Variants in VPS26C observed in about 807,000 individuals in gnomAD.
VPS26C encodes the protein VPS26 endosomal protein sorting factor C.
VPS26C carries 19 observed loss-of-function variants against 30.6 expected under a neutral mutation model. That is an observed-to-expected ratio of 0.62 (90% CI 0.43 to 0.91). The LOEUF (loss-of-function observed/expected upper bound fraction) is 0.91. Ranked by LOEUF, VPS26C falls within the 40% of genes least tolerant of loss-of-function variation. VPS26C has a pLI of 0.00. For missense variants in VPS26C, 318 were observed against 385.1 expected, an observed-to-expected ratio of 0.83 and a Z score of 1.46; for synonymous variants, 132 against 151.5, an observed-to-expected ratio of 0.87 and a Z score of 0.95.
chr21:37,229,914 C>G (rs1367714578), intron 5 of VPS26C, among the ~76,000 whole-genome samples: 1 of 152,212 alleles, frequency 6.6e-6, no homozygotes, highest in African/African-American at 2.4e-5. Flanking sequence ...GGGTCTTGCT[C>G]TGTTGCCCAG....
chr21:37,250,034 T>G (rs1041955457), intron 1 of VPS26C, among the ~76,000 whole-genome samples: 10 of 152,232 alleles, frequency 6.6e-5, no homozygotes, highest in African/African-American at 2.2e-4. Context: ...CCGGGCAGGG[T>G]GGCTCACGCC....
intron 1 of VPS26C, among the ~76,000 whole-genome samples, chr21:37,246,547 C>G (rs529229543): frequency 1.1e-4 from 16 of 152,042 alleles, no homozygotes; most frequent in South Asian, 2.1e-4. Flanking sequence ...TCAAAAGAAC[C>G]AACTGTGAGG....
intron 1 of VPS26C, 30 bp downstream of exon 1, chr21:37,267,208 C>T (rs1213567865): frequency 1.0e-6 from 1 of 1,000,722 alleles, no homozygotes; most frequent in South Asian, 1.3e-5. Context: ...CCCAACCCCA[C>T]CTCCATCCCC....
Position 37,224,502 on chromosome 21 carries a change from T to C in VPS26C, c.*1042A>G, listed in dbSNP as rs71332564. On this transcript the variant is annotated 3_prime_UTR_variant, in exon 8 of 8. Transcript: ENST00000309117. Reference sequence around the variant, plus strand: ...TGTGATCCTGCCAGTGCACTCAGCCTGCGTGACACAGTTTGGAAAACTGTC... The same window carrying C: ...TGTGATCCTGCCAGTGCACTCAGCCCGCGTGACACAGTTTGGAAAACTGTC... The C allele has an allele frequency of 8.5e-3, 1,299 of 152,300 alleles. 9 individuals carry two copies. Among genetic ancestry groups the C allele is most frequent in the Non-Finnish European group, 0.013 (914 of 68,046 alleles). 9.4% of individuals were successfully genotyped at this position (152,300 alleles called of 1,614,324 possible).
At chr21:37,246,042 T>C (rs779864783) in intron 1 of VPS26C, among the ~76,000 whole-genome samples, 11 of 151,792 alleles carry the variant, frequency 7.2e-5, no homozygotes, top group Non-Finnish European at 1.6e-4. Flanking sequence ...AGAGATAAAA[T>C]TGGAGACAGG....
intron 1 of VPS26C, among the ~76,000 whole-genome samples, chr21:37,252,247 C>G (rs976377379): frequency 1.4e-4 from 22 of 152,166 alleles, no homozygotes; most frequent in African/African-American, 5.3e-4. Context: ...TCTACCCTTT[C>G]TTAGTAGCAC....
chr21:37,239,158 T>C (rs2086057044), intron 2 of VPS26C, among the ~76,000 whole-genome samples: 2 of 152,242 alleles, frequency 1.3e-5, no homozygotes, highest in South Asian at 2.1e-4. Flanking sequence ...AGGAGGGTAC[T>C]AACATTTGGA....
At chr21:37,232,530 A>C in intron 4 of VPS26C, 79 bp from the exon 5 acceptor site, 1 of 1,259,506 alleles carries the variant, frequency 7.9e-7, no homozygotes, top group Non-Finnish European at 1.2e-6. Context: ...CCTTTCAAAA[A>C]TAAACCAACG....
At chr21:37,267,368 C>A, upstream of VPS26C, 1 of 1,356,610 alleles carries the variant, frequency 7.4e-7, no homozygotes, top group Non-Finnish European at 1.0e-6. Context: ...CTCCCCGCTT[C>A]GTTCTGGGCC....
At chr21:37,251,138 G>A (rs2086189637) in intron 1 of VPS26C, among the ~76,000 whole-genome samples, 1 of 152,126 alleles carries the variant, frequency 6.6e-6, no homozygotes, top group South Asian at 2.1e-4. Flanking sequence ...TGCATTGCTG[G>A]GGATAACCTG....
At position 37,238,478 on chromosome 21, in the gene VPS26C, G is replaced by A. The variant is rs765738215; in HGVS notation, c.333C>T (p.Gly111=). ...CTCTCACCTGAATGTTGACAAACAC[G>A]CCATGATACGTCTCATACAGAACTT... ...GNKVLYETYH[G]VFVNIQYTLR... The change falls in exon 3 of 8, where the codon GGC becomes GGT. Residue 111 remains glycine (G), a synonymous_variant. Transcript: ENST00000309117. The A allele has an allele frequency of 6.8e-6, 11 of 1,613,998 alleles. No homozygotes were observed. Among genetic ancestry groups the A allele is most frequent in the Non-Finnish European group, 9.3e-6 (11 of 1,179,996 alleles).
rs530734203 is a variant in VPS26C at position 37,257,146 on chromosome 21, CA to C, written c.57+10091del. On this transcript the variant is annotated intron_variant, in intron 1 of 7. Transcript: ENST00000309117. This position sits in a 1 kb window ranked among gnomAD's most constrained non-coding sequence, Gnocchi z 4.2. Reference sequence around the variant, plus strand: ...GGCTCTGTCTCAAAAAAACAAAACACAAAAAAACAAACAAAAAAAAGCAAAT... The same window carrying C: ...GGCTCTGTCTCAAAAAAACAAAACACAAAAAACAAACAAAAAAAAGCAAAT... 2.0e-5 allele frequency among the ~76,000 whole-genome samples: 3 copies of C among 151,776 alleles called. No homozygotes were observed. Among genetic ancestry groups the C allele is most frequent in the Admixed American group, 6.6e-5 (1 of 15,230 alleles).
At chr21:37,259,181 GC>G (rs2086278729) in intron 1 of VPS26C, among the ~76,000 whole-genome samples, 1 of 151,474 alleles carries the variant, frequency 6.6e-6, no homozygotes. Flanking sequence ...TAAGAATCCA[GC>G]AGGTTAAAGT....
intron 4 of VPS26C, chr21:37,232,789 ACACCTC>A (rs2085979496): frequency 7.8e-6 from 3 of 386,924 alleles, no homozygotes; most frequent in Non-Finnish European, 1.4e-5. Context: ...AGGGCTCTTC[ACACCTC>A]CCAGATGGTC....
chr21:37,243,827 C>T (rs1406916356), intron 1 of VPS26C, among the ~76,000 whole-genome samples: 1 of 152,216 alleles, frequency 6.6e-6, no homozygotes, highest in Non-Finnish European at 1.5e-5. Context: ...AACTTTGTAT[C>T]ACCCCACTCC....
chr21:37,231,344 A>C (rs1442327400), intron 5 of VPS26C: 1 of 152,262 alleles, frequency 6.6e-6, no homozygotes, highest in Non-Finnish European at 1.5e-5. Flanking sequence ...CTAGAAATGA[A>C]TCACATTACT....
At chr21:37,258,140 C>T (rs982407772) in intron 1 of VPS26C, among the ~76,000 whole-genome samples, 2 of 152,254 alleles carry the variant, frequency 1.3e-5, no homozygotes, top group African/African-American at 4.8e-5. Flanking sequence ...GAAACCCGTT[C>T]TAGGAAAACG....
At position 37,238,603 on chromosome 21, in the gene VPS26C, G is replaced by A. The variant is rs1220662262; in HGVS notation, c.208C>T (p.Gln70Ter). 5 of 1,613,988 alleles carry A rather than the reference G, an allele frequency of 3.1e-6. No individual in the cohort carries two copies. Among genetic ancestry groups the A allele is most frequent in the Non-Finnish European group, 4.2e-6 (5 of 1,179,962 alleles). Residue 70 changes from glutamine (Q) to a stop codon, truncating the protein, a stop_gained, in exon 3 of 8, where the codon CAG (glutamine) becomes TAG (stop). Coordinates refer to ENST00000309117, the MANE Select transcript of VPS26C (RefSeq NM_006052.2). LOFTEE classifies it high-confidence loss of function. ...ATTTCTATGGTGCTGTTGATAATCT[G>A]GATAGGCTGTAAACAAAAATCAGTT... ...EAFYNSVKPI[Q>*]IINSTIEMVK... is the part of the protein sequence containing the mutation.
chr21:37,265,204 G>A (rs1379916425), intron 1 of VPS26C, among the ~76,000 whole-genome samples: 2 of 152,222 alleles, frequency 1.3e-5, no homozygotes, highest in East Asian at 3.8e-4. Context: ...GAATTAGATC[G>A]TGGTGATGGG....
Sources: allele counts gnomAD v4.1 joint callset (sites outside exome capture counted in the v4.1 genomes callset), GRCh38; gene constraint gnomAD v4.1.1; non-coding constraint Gnocchi (gnomAD v3.1); transcripts MANE v1.5; gene names NCBI Gene and HGNC (gene_info 2026-07-23, HGNC 2026-07-21).